The following HHLA1 variants were observed in gnomAD, a reference collection of about 807,000 sequenced individuals.
The protein encoded by HHLA1 is HERV-H LTR-associating protein 1.
In HHLA1, 72 loss-of-function variants were observed where a neutral mutation model predicts 69.9. The ratio of observed to expected loss-of-function variants is 1.03; its 90% CI spans 0.85 to 1.25. The LOEUF (loss-of-function observed/expected upper bound fraction) is 1.25. HHLA1 is among the 50% of genes most tolerant of loss of function. The pLI is 0.00. For missense variants in HHLA1, 685 were observed against 642.2 expected (o/e 1.07, Z -0.72); for synonymous variants, 252 against 233.2 (o/e 1.08, Z -0.73).
At position 132,105,213 on chromosome 8, in the gene HHLA1, G is replaced by A; in HGVS notation, c.53C>T (p.Ala18Val). The A allele has an allele frequency of 6.4e-7, 1 of 1,552,100 alleles. No homozygotes were observed. Among genetic ancestry groups the A allele is most frequent in the Non-Finnish European group, 8.7e-7 (1 of 1,147,002 alleles). ...GPSMKLCMGL[A>V]CVLSLWNTVS... ...TGTGTTCCAAAGGGACAAGACACAT[G>A]CCAGGCCCATGCACAGCTTCATTGA... is the stretch of plus-strand genomic sequence containing the variant. The change falls in exon 2 of 17, where the codon GCA (alanine) becomes GTA (valine). Residue 18 changes from alanine to valine, a missense_variant. Transcript: ENST00000414222.
At chr8:132,076,362 TA>T in intron 13 of HHLA1, 112 bp downstream of exon 13, 1 of 783,170 alleles carries the variant, frequency 1.3e-6, no homozygotes, top group Non-Finnish European at 2.1e-6. Flanking sequence ...TAAAGCAGAG[TA>T]ACCTGCTTAG....
intron 10 of HHLA1, chr8:132,085,600 A>G (rs961127681): frequency 5.6e-6 from 1 of 178,216 alleles, no homozygotes; most frequent in Non-Finnish European, 1.2e-5. Flanking sequence ...TGTGTGAGCA[A>G]TAAAGCTGTT....
rs1487196163 is a variant in HHLA1 at position 132,078,827 on chromosome 8, CTGAA to C, written c.926-860_926-857del. ...TAAATAAATGAATGAATTCTGATGA[CTGAA>C]TGAATGAATTCTGATGACAATATTG... On this transcript the variant is annotated intron_variant, in intron 11 of 16. Transcript: ENST00000414222. 3.3e-5 allele frequency among the ~76,000 whole-genome samples: 5 copies of C among 152,308 alleles called. No individual in the cohort carries two copies. In the East Asian group the frequency reaches 7.7e-4, roughly 24 times the overall value.
Position 132,105,217 on chromosome 8 carries a change from G to C in HHLA1, c.49C>G (p.Leu17Val). Residue 17 changes from leucine (L) to valine (V), a missense_variant, in exon 2 of 17, where the codon CTG (leucine) becomes GTG (valine). Leu to Val is a conservative substitution (Grantham distance 32). Coordinates refer to ENST00000414222, the MANE Select transcript of HHLA1 (RefSeq NM_001145095.3). ...TTCCAAAGGGACAAGACACATGCCA[G>C]GCCCATGCACAGCTTCATTGAAGGA... ...RGPSMKLCMGLACVLSLWNTV... is the reference protein window; with the variant it reads ...RGPSMKLCMGVACVLSLWNTV... The C allele has an allele frequency of 6.4e-7, 1 of 1,552,160 alleles. No individual in the cohort carries two copies. The highest frequency in any genetic ancestry group is 8.7e-7 in the Non-Finnish European group (1 of 1,147,062).
At chr8:132,078,662 T>C (rs1460403310) in intron 11 of HHLA1, among the ~76,000 whole-genome samples, 4 of 152,204 alleles carry the variant, frequency 2.6e-5, no homozygotes, top group Non-Finnish European at 5.9e-5. Flanking sequence ...CAATAGTTCT[T>C]TGTAGGCTGG....
At position 132,077,677 on chromosome 8, in the gene HHLA1, C is replaced by T. The variant is rs753028362; in HGVS notation, c.1171+49G>A. 27 of 1,530,484 alleles carry T rather than the reference C, an allele frequency of 1.8e-5. No homozygotes were observed. The East Asian group carries it at 5.4e-4, about 31-fold the overall frequency. 94.8% of individuals were successfully genotyped at this position (1,530,484 alleles called of 1,614,324 possible). On this transcript the variant is annotated intron_variant, in intron 12 of 16. Coordinates refer to ENST00000414222, the MANE Select transcript of HHLA1 (RefSeq NM_001145095.3). ...AGAAAGTTTATCAAAACAGACAATG[C>T]TAAGTTTAATTTAAAACGGGAGAGG...
chr8:132,107,508 T>C (rs1824221779), intron 1 of HHLA1, among the ~76,000 whole-genome samples: 4 of 151,586 alleles, frequency 2.6e-5, no homozygotes. Context: ...TCCATGTTGG[T>C]CAGGCTGGTC....
intron 7 of HHLA1, among the ~76,000 whole-genome samples, chr8:132,090,747 TTC>T (rs1259515877): frequency 3.5e-5 from 4 of 112,812 alleles, no homozygotes; most frequent in African/African-American, 6.3e-5. Flanking sequence ...GGCACCCTCT[TTC>T]TCTCTCTTTT....
chr8:132,070,402 C>A, intron 15 of HHLA1: 1 of 701,736 alleles, frequency 1.4e-6, no homozygotes, highest in South Asian at 1.5e-5. Flanking sequence ...ATAGACATAT[C>A]TTCTAATTAT....
intron 3 of HHLA1, among the ~76,000 whole-genome samples, chr8:132,102,347 C>A (rs956481439): frequency 5.3e-5 from 8 of 152,222 alleles, no homozygotes; most frequent in Non-Finnish European, 1.2e-4. Flanking sequence ...TTGCCAATTG[C>A]CAAGCTTTTT....
At chr8:132,079,199 C>T (rs555373545) in intron 11 of HHLA1, among the ~76,000 whole-genome samples, 12 of 152,310 alleles carry the variant, frequency 7.9e-5, no homozygotes, top group South Asian at 2.1e-4. Flanking sequence ...AGGTCATTGG[C>T]GGCAGCTTTC....
rs1274713263 is a variant in HHLA1 at position 132,061,576 on chromosome 8, C to T, written c.*2419G>A. On this transcript the variant is annotated 3_prime_UTR_variant, in exon 17 of 17. Transcript: ENST00000414222. ...TACAGTCACTGTCCCATCTCTTTCA[C>T]CTCATCTGCTAACCACTGGTGGCCA... 1.3e-5 allele frequency: 2 copies of T among 152,234 alleles called. No homozygotes were observed. Among genetic ancestry groups the T allele is most frequent in the South Asian group, 2.1e-4 (1 of 4,832 alleles). 9.4% of individuals were successfully genotyped at this position (152,234 alleles called of 1,614,324 possible).
In HHLA1 at chr8:132,061,513, T is replaced by G. The variant is rs1823351339; in HGVS notation, c.*2482A>C. 6.6e-6 allele frequency: 1 copy of G among 152,224 alleles called. No homozygotes were observed. The allele number at this position is 152,224 out of a possible 1,614,324, so 9.4% of individuals were successfully genotyped here. ...CTGGAAGAATGAAGTTTAATGACGT[T>G]ACGCATGTAACTGCACAATCTCCTT... is the stretch of plus-strand genomic sequence containing the variant. On this transcript the variant is annotated 3_prime_UTR_variant, in exon 17 of 17. Transcript: ENST00000414222.
intron 10 of HHLA1, among the ~76,000 whole-genome samples, chr8:132,082,390 T>G (rs2130885649): frequency 6.6e-6 from 1 of 152,316 alleles, no homozygotes; most frequent in Non-Finnish European, 1.5e-5. Context: ...CAGGGTGTGG[T>G]CCTGGCTCTT....
At position 132,105,280 on chromosome 8, in the gene HHLA1, G is replaced by C; in HGVS notation, c.-15C>G. 6.5e-7 allele frequency: 1 copy of C among 1,550,008 alleles called. No individual in the cohort carries two copies. Among genetic ancestry groups the C allele is most frequent in the Non-Finnish European group, 8.7e-7 (1 of 1,145,252 alleles). Reference sequence around the variant, plus strand: ...AAGCCCAGCATGCTTGTGATACTCTGGCCCACCTGGAATGAAGCAAGCAAA... The same window carrying C: ...AAGCCCAGCATGCTTGTGATACTCTCGCCCACCTGGAATGAAGCAAGCAAA... On this transcript the variant is annotated 5_prime_UTR_variant, in exon 2 of 17. Transcript: ENST00000414222.
In HHLA1 at chr8:132,063,784, C is replaced by T. The variant is rs1055606128; in HGVS notation, c.*211G>A. The T allele has an allele frequency of 9.5e-6, 2 of 210,470 alleles. No homozygotes were observed. Among genetic ancestry groups the T allele is most frequent in the African/African-American group, 4.5e-5 (2 of 44,666 alleles). The allele number at this position is 210,470 out of a possible 1,614,324, so 13.0% of individuals were successfully genotyped here. On this transcript the variant is annotated 3_prime_UTR_variant, in exon 17 of 17. Coordinates refer to ENST00000414222, the MANE Select transcript of HHLA1 (RefSeq NM_001145095.3). Reference sequence around the variant, plus strand: ...CATTACTGTATTAATTGTGAGGCCTCTAACAAGAAAACTTCTACCTTCAAT... The same window carrying T: ...CATTACTGTATTAATTGTGAGGCCTTTAACAAGAAAACTTCTACCTTCAAT...
chr8:132,095,515 C>G lies in HHLA1; in HGVS notation c.448+4G>C. On this transcript the variant is annotated splice_donor_region_variant and intron_variant, in intron 7 of 16. Coordinates refer to ENST00000414222, the MANE Select transcript of HHLA1 (RefSeq NM_001145095.3). Reference sequence around the variant, plus strand: ...CTGCAAGCCTCATGGTAAGCTGTACCCACCTGATAAGTCATTGGTCCGATT... The same window carrying G: ...CTGCAAGCCTCATGGTAAGCTGTACGCACCTGATAAGTCATTGGTCCGATT... 1 of 1,540,572 alleles carries G rather than the reference C, an allele frequency of 6.5e-7. No individual in the cohort carries two copies. The highest frequency in any genetic ancestry group is 2.0e-5 in the Admixed American group (1 of 50,954).
intron 7 of HHLA1, among the ~76,000 whole-genome samples, chr8:132,094,903 A>G (rs936117448): frequency 3.3e-5 from 5 of 152,162 alleles, no homozygotes; most frequent in Admixed American, 1.3e-4. Flanking sequence ...TGTCACTTTT[A>G]TTTTTCAGTA....
chr8:132,101,107 A>T, intron 3 of HHLA1: 2 of 1,449,454 alleles, frequency 1.4e-6, no homozygotes, highest in Non-Finnish European at 1.8e-6. Flanking sequence ...AACAATAGGT[A>T]CCAGCAGGAT....
Sources: gnomAD v4.1 joint callset for allele counts (sites outside exome capture counted in the v4.1 genomes callset) on GRCh38, gnomAD v4.1.1 for gene constraint, MANE v1.5 for transcripts, NCBI Gene and HGNC (gene_info 2026-07-23, HGNC 2026-07-21) for gene names.